Variants in SEL1L observed in about 807,000 individuals in gnomAD.
SEL1L encodes the protein SEL1L adaptor subunit of SYVN1 ubiquitin ligase, also known as protein sel-1 homolog 1.
Under a neutral mutation model 109.8 loss-of-function variants are expected in SEL1L, and 52 were observed. The ratio of observed to expected loss-of-function variants is 0.47; its 90% confidence interval spans 0.38 to 0.60. The LOEUF (loss-of-function observed/expected upper bound fraction) is 0.60. SEL1L is among the 20% of genes least tolerant of loss of function. The probability of loss-of-function intolerance (pLI) is 0.00; values close to 1 mark genes in which losing one functional copy is unlikely to be tolerated. For missense variants in SEL1L, 749 were observed against 962.2 expected (o/e 0.78, Z 2.93); for synonymous variants, 373 against 339.6 (o/e 1.10, Z -1.08).
chr14:81,500,533 G>A lies in SEL1L; in HGVS notation c.778-871C>T, dbSNP rs575328883. Among the ~76,000 whole-genome samples the A allele has an allele frequency of 2.0e-5, 3 of 152,282 alleles. No individual in the cohort carries two copies. The South Asian group carries it at 6.2e-4, about 32-fold the overall frequency. On this transcript the variant is annotated intron_variant, in intron 6 of 20. Transcript: ENST00000336735. The stretch of plus-strand genomic sequence containing the variant: ...TTACAGGCATGAGCCACCACGCCCA[G>A]CCAAATGTAACTTTAAACAAGACAA...
intron 3 of SEL1L, among the ~76,000 whole-genome samples, chr14:81,507,600 C>CA (rs144979658): frequency 1.0e-4 from 15 of 145,030 alleles, no homozygotes; most frequent in South Asian, 2.2e-4. Context: ...AAAACCCACA[C>CA]AAAAAAAACA....
At chr14:81,477,260 T>A in intron 20 of SEL1L, 79 bp from the exon 21 acceptor site, 3 of 1,130,978 alleles carry the variant, frequency 2.7e-6, no homozygotes, top group Non-Finnish European at 3.9e-6. Flanking sequence ...TCACCAGAAG[T>A]AAGTACAGAA....
In SEL1L at chr14:81,505,995, G is replaced by A. The variant is rs1300922008; in HGVS notation, c.508+79C>T. Reference sequence around the variant, plus strand: ...CCATTTCTGACCAATGTGGAAAAAGGATGGCTAGAAAAAGGCCTTAAAAAC... The same window carrying A: ...CCATTTCTGACCAATGTGGAAAAAGAATGGCTAGAAAAAGGCCTTAAAAAC... On this transcript the variant is annotated intron_variant, in intron 4 of 20. Coordinates refer to ENST00000336735, the MANE Select transcript of SEL1L (RefSeq NM_005065.6). 79 of 1,374,678 alleles carry A rather than the reference G, an allele frequency of 5.7e-5. 2 individuals carry two copies. In the South Asian group the frequency reaches 1.1e-3, roughly 19 times the overall value. 85.2% of individuals were successfully genotyped at this position (1,374,678 alleles called of 1,614,324 possible). A position where few individuals can be genotyped will look rare whatever the true frequency, so the allele number is the denominator to read the frequency against.
intron 6 of SEL1L, 29 bp from the exon 7 acceptor site, chr14:81,499,691 T>C: frequency 6.3e-7 from 1 of 1,586,674 alleles, no homozygotes; most frequent in Non-Finnish European, 8.6e-7. Flanking sequence ...GTAAGAAATC[T>C]TGCTTTGGTG....
rs774887865 is a variant in SEL1L at position 81,487,864 on chromosome 14, T to C, written c.1474A>G (p.Met492Val). 5.6e-6 allele frequency: 9 copies of C among 1,613,966 alleles called. No individual in the cohort carries two copies. The highest frequency in any genetic ancestry group is 5.0e-5 in the Admixed American group (3 of 60,008). The change falls in exon 15 of 21, where the codon ATG becomes GTG. Residue 492 changes from methionine (M) to valine (V), a missense_variant. Met to Val is a conservative substitution (Grantham distance 21). Transcript: ENST00000336735. ...WVDGQLQLGS[M>V]YYNGIGVKRD... is the part of the protein sequence containing the mutation. ...TTCCAGTGTTACTTACTATAGTACATGGAACCAAGCTGTAGCTGCCCATCC... is the reference window on the plus strand; with the variant it reads ...TTCCAGTGTTACTTACTATAGTACACGGAACCAAGCTGTAGCTGCCCATCC...
intron 4 of SEL1L, among the ~76,000 whole-genome samples, chr14:81,504,604 A>G (rs1283198967): frequency 1.3e-5 from 2 of 152,150 alleles, no homozygotes; most frequent in Non-Finnish European, 2.9e-5. Flanking sequence ...CTTTTTAAAT[A>G]TAATTCAACT....
Position 81,477,191 on chromosome 14 carries a change from A to C in SEL1L, c.2176-10T>G. On this transcript the variant is annotated splice_polypyrimidine_tract_variant and intron_variant, in intron 20 of 20. Transcript: ENST00000336735. ...TGAACATATCTCGAATCTTAATGAAAATAATATAGAAACCATTATTATCAC... is the reference window on the plus strand; with the variant it reads ...TGAACATATCTCGAATCTTAATGAACATAATATAGAAACCATTATTATCAC... The C allele has an allele frequency of 6.2e-7, 1 of 1,604,846 alleles. No homozygotes were observed. Among genetic ancestry groups the C allele is most frequent in the Non-Finnish European group, 8.5e-7 (1 of 1,171,858 alleles).
rs116699400 is a variant in SEL1L, at chr14:81,519,057, C to G, written c.340+7676G>C. 9.9e-3 allele frequency among the ~76,000 whole-genome samples: 1,512 copies of G among 152,294 alleles called. 19 individuals are homozygous for G. The highest frequency in any genetic ancestry group is 0.031 in the African/African-American group (1,282 of 41,546). On this transcript the variant is annotated intron_variant, in intron 3 of 20. Coordinates refer to ENST00000336735, the MANE Select transcript of SEL1L (RefSeq NM_005065.6). ...ACCCAAACTGTACAATGTTGAACAC[C>G]TGCTTTCCTTCTGCAAGTTTGGTAC...
chr14:81,489,179 C>G (rs1425610585), intron 14 of SEL1L, 73 bp downstream of exon 14: 1 of 1,332,882 alleles, frequency 7.5e-7, no homozygotes, highest in Non-Finnish European at 1.1e-6. Context: ...TGACTGGAAG[C>G]TAATTAAGGA....
intron 11 of SEL1L, among the ~76,000 whole-genome samples, chr14:81,493,556 C>G (rs1387421655): frequency 1.3e-5 from 2 of 151,904 alleles, no homozygotes; most frequent in Non-Finnish European, 2.9e-5. Flanking sequence ...AAAACTCAAA[C>G]CAAAACACAC....
At chr14:81,493,003 T>C (rs141765014) in intron 11 of SEL1L, among the ~76,000 whole-genome samples, 82 of 152,348 alleles carry the variant, frequency 5.4e-4, no homozygotes, top group East Asian at 2.9e-3. Context: ...TTGTACTGTT[T>C]AGAGAAAAAT....
chr14:81,487,669 A>G, intron 15 of SEL1L, 131 bp from the exon 16 acceptor site: 2 of 1,512,190 alleles, frequency 1.3e-6, no homozygotes, highest in East Asian at 4.5e-5. Flanking sequence ...ATCTAATACA[A>G]GCTAACACAC....
At chr14:81,490,796 G>C (rs1372599076) in intron 12 of SEL1L, among the ~76,000 whole-genome samples, 1 of 152,166 alleles carries the variant, frequency 6.6e-6, no homozygotes, top group Non-Finnish European at 1.5e-5. Context: ...AGCTACTCAG[G>C]AGGCTGAGGC....
intron 3 of SEL1L, among the ~76,000 whole-genome samples, chr14:81,518,247 G>T (rs1437628288): frequency 6.6e-6 from 1 of 151,658 alleles, no homozygotes; most frequent in Non-Finnish European, 1.5e-5. Context: ...GCCCTGGAAA[G>T]CTTTTAGGTC....
chr14:81,516,839 A>G (rs1260949588), intron 3 of SEL1L, among the ~76,000 whole-genome samples: 5 of 152,130 alleles, frequency 3.3e-5, no homozygotes, highest in African/African-American at 1.2e-4. Flanking sequence ...TCTGAGGGAG[A>G]GGACCCTTGG....
At chr14:81,504,592 A>T (rs1174538530) in intron 4 of SEL1L, among the ~76,000 whole-genome samples, 1 of 152,048 alleles carries the variant, frequency 6.6e-6, no homozygotes, top group African/African-American at 2.4e-5. Flanking sequence ...TGGTAATGCT[A>T]ACTTTTTAAA....
chr14:81,477,217 TAAA>T, intron 20 of SEL1L, 36 bp from the exon 21 acceptor site: 1 of 1,520,424 alleles, frequency 6.6e-7, no homozygotes, highest in South Asian at 1.1e-5. Flanking sequence ...TTATTATCAC[TAAA>T]ATGTCAGGCA....
At position 81,474,347 on chromosome 14, in the gene SEL1L, G is replaced by A. The variant is rs55735981; in HGVS notation, c.*2625C>T. On this transcript the variant is annotated 3_prime_UTR_variant, in exon 21 of 21. Transcript: ENST00000336735. ...GCTAACCAACAAACCAAATGCACAA[G>A]AGAATACTAAACAGGGTTTTACTGT... 22 of 151,736 alleles carry A rather than the reference G, an allele frequency of 1.4e-4. No homozygotes were observed. The highest frequency in any genetic ancestry group is 3.1e-4 in the Non-Finnish European group (21 of 67,936). 9.4% of individuals were successfully genotyped at this position (151,736 alleles called of 1,614,324 possible).
rs752387821 is a variant in SEL1L, at chr14:81,476,939, G to A, written c.*33C>T. The A allele has an allele frequency of 2.2e-5, 35 of 1,604,748 alleles. No individual in the cohort carries two copies. The highest frequency in any genetic ancestry group is 3.3e-5 in the Admixed American group (2 of 59,756). ...GTGTTCCCAGCAGATAACTTCCTTC[G>A]CTGTCACTGATCAAGGCTGGACCCA... is the stretch of plus-strand genomic sequence containing the variant. On this transcript the variant is annotated 3_prime_UTR_variant, in exon 21 of 21. Coordinates refer to ENST00000336735, the MANE Select transcript of SEL1L (RefSeq NM_005065.6).
Sources: allele counts gnomAD v4.1 joint callset (sites outside exome capture counted in the v4.1 genomes callset), GRCh38; gene constraint gnomAD v4.1.1; transcripts MANE v1.5; gene names NCBI Gene and HGNC (gene_info 2026-07-23, HGNC 2026-07-21).